Variants in CAPN5 observed in about 807,000 individuals in gnomAD.
CAPN5 encodes calpain 5.
A neutral mutation model predicts 73.0 loss-of-function variants in CAPN5; 54 were observed. The ratio of observed to expected loss-of-function variants is 0.74; its 90% CI spans 0.59 to 0.93. CAPN5 has a LOEUF of 0.93. CAPN5 is among the 40% of genes least tolerant of loss of function. CAPN5 has a pLI of 0.00. For synonymous variants in CAPN5, 335 were observed against 356.9 expected (o/e 0.94, Z 0.69); for missense variants, 785 against 882.9 (o/e 0.89, Z 1.41).
chr11:77,094,069 T>C (rs562739679), intron 3 of CAPN5, among the ~76,000 whole-genome samples: 92 of 152,226 alleles, frequency 6.0e-4, no homozygotes, highest in Non-Finnish European at 1.0e-3. Context: ...CCCAACACTG[T>C]TGGGGACACT....
At chr11:77,091,323 C>T (rs1490652722) in intron 2 of CAPN5, among the ~76,000 whole-genome samples, 2 of 152,210 alleles carry the variant, frequency 1.3e-5, no homozygotes, top group Non-Finnish European at 2.9e-5. Flanking sequence ...CTTCCTGCCT[C>T]TGCCACCCTC....
intron 3 of CAPN5, chr11:77,102,797 G>A (rs1555039077): frequency 2.0e-6 from 3 of 1,504,230 alleles, no homozygotes; most frequent in Non-Finnish European, 2.7e-6. Flanking sequence ...CCAGGCTCCA[G>A]CCCACTTGGG....
Position 77,105,469 on chromosome 11 carries a change from G to A in CAPN5, c.298-7120G>A, listed in dbSNP as rs138577590. Among the ~76,000 whole-genome samples the A allele has an allele frequency of 3.5e-3, 538 of 152,320 alleles. 4 individuals carry two copies. Among genetic ancestry groups the A allele is most frequent in the African/African-American group, 0.013 (522 of 41,580 alleles). ...GTGCTGAGGGAGGTGCCATCTGGGC[G>A]CCGCCGAGGGCTTGGGGTAGGAAGG... On this transcript the variant is annotated intron_variant, in intron 3 of 12. Transcript: ENST00000648180.
intron 3 of CAPN5, among the ~76,000 whole-genome samples, chr11:77,107,378 C>T (rs1456012916): frequency 6.6e-6 from 1 of 152,164 alleles, no homozygotes; most frequent in East Asian, 1.9e-4. Context: ...CCGCACTGGC[C>T]CTCTGGGGTC....
At chr11:77,103,062 C>G in intron 3 of CAPN5, 1 of 1,613,770 alleles carries the variant, frequency 6.2e-7, no homozygotes. Flanking sequence ...GCTGGACAAG[C>G]CGGGCAAGGT....
At chr11:77,072,126 C>T (rs1236254031) in intron 1 of CAPN5, among the ~76,000 whole-genome samples, 3 of 152,236 alleles carry the variant, frequency 2.0e-5, no homozygotes, top group Non-Finnish European at 2.9e-5. Context: ...CAGGGCCAGC[C>T]ACAACCTGGC....
intron 11 of CAPN5, 39 bp from the exon 12 acceptor site, chr11:77,122,537 A>ACCCCCCCCCCCCCCCCCCCCCCCCCC: frequency 2.3e-6 from 1 of 427,578 alleles, no homozygotes. Context: ...CACAGCCCCC[A>ACCCCCCCCCCCCCCCCCCCCCCCCCC]CCCCCACCCT....
chr11:77,120,665 G>T, intron 9 of CAPN5, 48 bp from the exon 10 acceptor site: 1 of 1,397,924 alleles, frequency 7.2e-7, no homozygotes, highest in South Asian at 1.3e-5. Flanking sequence ...GGGCCAGGGT[G>T]TTGTAGGGTG....
At chr11:77,118,458 C>T (rs1950490502) in intron 8 of CAPN5, 106 bp downstream of exon 8, 2 of 988,314 alleles carry the variant, frequency 2.0e-6, no homozygotes, top group Admixed American at 2.6e-5. Context: ...CCTGTCCTTC[C>T]TTGGGCCTCA....
At chr11:77,077,130 G>A (rs1949979239) in intron 1 of CAPN5, among the ~76,000 whole-genome samples, 1 of 152,190 alleles carries the variant, frequency 6.6e-6, no homozygotes, top group Non-Finnish European at 1.5e-5. Context: ...GCCAAGGCAG[G>A]CGGATCACCT....
At chr11:77,111,651 C>T (rs1950411446) in intron 3 of CAPN5, among the ~76,000 whole-genome samples, 1 of 152,204 alleles carries the variant, frequency 6.6e-6, no homozygotes, top group Non-Finnish European at 1.5e-5. Context: ...AGGCCCTGGG[C>T]TAGGTGCTGG....
intron 6 of CAPN5, 139 bp downstream of exon 6, chr11:77,115,727 A>G (rs1950461064): frequency 2.9e-6 from 2 of 682,450 alleles, no homozygotes; most frequent in Non-Finnish European, 4.9e-6. Context: ...AGAAGGGAGA[A>G]TTACTTTGCA....
At chr11:77,099,588 G>A (rs1950261460) in intron 3 of CAPN5, among the ~76,000 whole-genome samples, 1 of 151,782 alleles carries the variant, frequency 6.6e-6, no homozygotes, top group Admixed American at 6.5e-5. Flanking sequence ...GCGTGGTGGC[G>A]CGTGCCTGCA....
At chr11:77,115,695 G>A in intron 6 of CAPN5, 107 bp downstream of exon 6, 1 of 844,962 alleles carries the variant, frequency 1.2e-6, no homozygotes, top group Non-Finnish European at 1.9e-6. Flanking sequence ...AAGGATCTGG[G>A]GGAGGATGAC....
intron 4 of CAPN5, 62 bp downstream of exon 4, chr11:77,112,859 C>T (rs1380714453): frequency 5.4e-6 from 8 of 1,483,118 alleles, no homozygotes; most frequent in Non-Finnish European, 7.5e-6. Context: ...CGGATGGGCT[C>T]CTCGTGGTAT....
In CAPN5 at chr11:77,123,782, T is replaced by C. The variant is rs1555043356; in HGVS notation, c.1835T>C (p.Leu612Pro). 1 of 1,613,654 alleles carries C rather than the reference T, an allele frequency of 6.2e-7. No homozygotes were observed. Among genetic ancestry groups the C allele is most frequent in the South Asian group, 1.1e-5 (1 of 91,052 alleles). Residue 612 changes from leucine (L) to proline (P), a missense_variant, in exon 13 of 13, where the codon CTC becomes CCC. Coordinates refer to ENST00000648180, the MANE Select transcript of CAPN5 (RefSeq NM_004055.5). ...DNLQALHTLH[L>P]RDRNSRQPSN... ...CTCCAGGCCCTGCATACCCTCCACCTCCGGGACCGAAATAGCCGGCAGCCC... is the reference window on the plus strand; with the variant it reads ...CTCCAGGCCCTGCATACCCTCCACCCCCGGGACCGAAATAGCCGGCAGCCC...
rs200667046 is a variant in CAPN5 at position 77,115,387 on chromosome 11, C to T, written c.700-8C>T. The T allele has an allele frequency of 6.0e-5, 96 of 1,595,208 alleles. No homozygotes were observed. In the African/African-American group the frequency reaches 1.2e-3, roughly 20 times the overall value. ...CCTGCCTCTCTGAGCAACTGTGTCC[C>T]TCCACAGGCAGTGACAGCAGCTGAC... On this transcript the variant is annotated splice_polypyrimidine_tract_variant and splice_region_variant and intron_variant, in intron 5 of 12. Coordinates refer to ENST00000648180, the MANE Select transcript of CAPN5 (RefSeq NM_004055.5).
rs556769861 is a variant in CAPN5 at position 77,068,831 on chromosome 11, T to A, written c.-36+1737T>A. On this transcript the variant is annotated intron_variant, in intron 1 of 12. Transcript: ENST00000648180. ...ACAGGGTCCCAGTGCTGGGGGAAGG[T>A]AGGTGGGGCTGCCTCTGTGAGATGG... is the stretch of plus-strand genomic sequence containing the variant. Among the ~76,000 whole-genome samples the A allele has an allele frequency of 2.6e-5, 4 of 152,092 alleles. No individual in the cohort carries two copies. The South Asian group carries it at 8.3e-4, about 32-fold the overall frequency.
chr11:77,087,738 G>C (rs1255742782), intron 2 of CAPN5, among the ~76,000 whole-genome samples: 1 of 152,102 alleles, frequency 6.6e-6, no homozygotes, highest in African/African-American at 2.4e-5. Flanking sequence ...ATGGGAGGCA[G>C]GTGACAAACT....
Sources: gnomAD v4.1 joint callset for allele counts (sites outside exome capture counted in the v4.1 genomes callset) on GRCh38, gnomAD v4.1.1 for gene constraint, MANE v1.5 for transcripts, NCBI Gene and HGNC (gene_info 2026-07-23, HGNC 2026-07-21) for gene names.